Variants in ZNF385D observed in about 807,000 individuals in gnomAD.
The protein encoded by ZNF385D is zinc finger protein 659.
ZNF385D carries 15 observed loss-of-function variants against 35.8 expected under a neutral mutation model. The observed-to-expected ratio is 0.42, with a 90% CI of 0.28 to 0.64. The LOEUF (loss-of-function observed/expected upper bound fraction) is 0.64. Among genes scored for constraint, ZNF385D ranks in the 30% least tolerant of loss-of-function variants. ZNF385D has a pLI of 0.23. For missense variants in ZNF385D, 474 were observed against 494.6 expected (o/e 0.96, Z 0.39); for synonymous variants, 212 against 186.8 (o/e 1.13, Z -1.10).
At chr3:21,457,796 T>C (rs1315493811) in intron 4 of ZNF385D, among the ~76,000 whole-genome samples, 2 of 152,220 alleles carry the variant, frequency 1.3e-5, no homozygotes, top group Admixed American at 6.5e-5. Flanking sequence ...ATGTGATTAA[T>C]AAGTTAATTT....
intron 2 of ZNF385D, among the ~76,000 whole-genome samples, chr3:21,655,353 G>GT (rs1195647260): frequency 1.3e-5 from 2 of 151,942 alleles, no homozygotes; most frequent in African/African-American, 2.4e-5. Context: ...AAAGTTTAGT[G>GT]TTGTTGCTTT....
upstream of ZNF385D, among the ~76,000 whole-genome samples, chr3:21,754,632 A>G (rs913350236): frequency 6.6e-6 from 1 of 151,616 alleles, no homozygotes; most frequent in African/African-American, 2.4e-5. Context: ...TTCCAGTTTT[A>G]AAATGCCTTT....
chr3:21,581,675 G>T (rs1198599685), intron 2 of ZNF385D, among the ~76,000 whole-genome samples: 1 of 152,174 alleles, frequency 6.6e-6, no homozygotes, highest in East Asian at 1.9e-4. Flanking sequence ...GAATTGCATT[G>T]TTATCTGAAG....
chr3:22,236,312 A>C (rs891668658), intron 2 of ZNF385D, among the ~76,000 whole-genome samples: 2 of 152,194 alleles, frequency 1.3e-5, no homozygotes, highest in East Asian at 3.9e-4. Flanking sequence ...TATCACTGGA[A>C]AGTTGACTAG....
chr3:21,942,993 A>G (rs1490816667), intron 3 of ZNF385D, among the ~76,000 whole-genome samples: 1 of 152,202 alleles, frequency 6.6e-6, no homozygotes, highest in Non-Finnish European at 1.5e-5. Flanking sequence ...CTTCATGACA[A>G]TGGTTAAGAA....
At chr3:22,165,824 T>C (rs1243541865) in intron 3 of ZNF385D, among the ~76,000 whole-genome samples, 3 of 152,096 alleles carry the variant, frequency 2.0e-5, no homozygotes, top group Admixed American at 2.0e-4. Flanking sequence ...CAGGCCAGGG[T>C]CCTTAGAAAC....
chr3:21,675,065 C>G (rs773465511), intron 1 of ZNF385D, among the ~76,000 whole-genome samples: 1 of 151,930 alleles, frequency 6.6e-6, no homozygotes, highest in Non-Finnish European at 1.5e-5. Context: ...ATTTACAAAC[C>G]AGCAGCTTCT....
intron 3 of ZNF385D, among the ~76,000 whole-genome samples, chr3:22,168,060 T>C (rs1308131019): frequency 2.0e-5 from 3 of 152,172 alleles, no homozygotes; most frequent in African/African-American, 7.2e-5. Flanking sequence ...TTGACATTCA[T>C]TCACATTTTT....
chr3:21,567,625 T>A (rs75064036), intron 2 of ZNF385D, among the ~76,000 whole-genome samples: 1 of 152,162 alleles, frequency 6.6e-6, no homozygotes, highest in Non-Finnish European at 1.5e-5. Flanking sequence ...TGCCTTATCA[T>A]GTTCTCTTGT....
intron 2 of ZNF385D, among the ~76,000 whole-genome samples, chr3:22,360,543 T>C (rs1042992724): frequency 6.6e-6 from 1 of 152,008 alleles, no homozygotes; most frequent in African/African-American, 2.4e-5. Context: ...TATCATTTCT[T>C]AGACTCGATT....
chr3:22,033,055 T>A (rs779431532), intron 3 of ZNF385D, among the ~76,000 whole-genome samples: 2 of 152,112 alleles, frequency 1.3e-5, no homozygotes, highest in Non-Finnish European at 2.9e-5. Context: ...ATTCCGAGAT[T>A]GAATTTCTGC....
At chr3:21,504,401 T>A (rs188435563) in intron 4 of ZNF385D, among the ~76,000 whole-genome samples, 59 of 152,278 alleles carry the variant, frequency 3.9e-4, no homozygotes, top group African/African-American at 1.4e-3. Context: ...AAACCACCTA[T>A]ACACAAATAC....
chr3:22,150,598 C>A (rs1297596740), intron 3 of ZNF385D, among the ~76,000 whole-genome samples: 2 of 152,096 alleles, frequency 1.3e-5, no homozygotes, highest in African/African-American at 4.8e-5. Context: ...TATTTCTAAT[C>A]TCTTCCTTCA....
chr3:22,237,062 A>G (rs1270894855), intron 2 of ZNF385D, among the ~76,000 whole-genome samples: 3 of 152,182 alleles, frequency 2.0e-5, no homozygotes, highest in Non-Finnish European at 4.4e-5. Context: ...GCTGAGTCAT[A>G]TAGTAACTCT....
intron 4 of ZNF385D, among the ~76,000 whole-genome samples, chr3:21,499,729 G>A (rs1706224737): frequency 6.6e-6 from 1 of 151,936 alleles, no homozygotes; most frequent in East Asian, 1.9e-4. Flanking sequence ...TCTGCATTCT[G>A]ACCTTCATCT....
At chr3:21,523,581 T>C (rs930900854) in intron 3 of ZNF385D, among the ~76,000 whole-genome samples, 2 of 152,160 alleles carry the variant, frequency 1.3e-5, no homozygotes, top group Admixed American at 1.3e-4. Context: ...ATAATGTTGA[T>C]ATGCTAAGCA....
chr3:21,575,986 G>A (rs1011613523), intron 2 of ZNF385D, among the ~76,000 whole-genome samples: 1 of 152,170 alleles, frequency 6.6e-6, no homozygotes, highest in Non-Finnish European at 1.5e-5. Context: ...AAGGTGGAAA[G>A]AGCTTAATAG....
chr3:22,255,661 T>TA (rs1278309274), intron 2 of ZNF385D, among the ~76,000 whole-genome samples: 1 of 149,744 alleles, frequency 6.7e-6, no homozygotes, highest in African/African-American at 2.4e-5. Flanking sequence ...ACATCACATT[T>TA]CAAAAAAAAA....
At chr3:21,879,673 C>A (rs914543957) in intron 3 of ZNF385D, among the ~76,000 whole-genome samples, 21 of 151,984 alleles carry the variant, frequency 1.4e-4, no homozygotes, top group African/African-American at 4.8e-4. Context: ...TCAGGAATCA[C>A]TAAACATAAA....
Sources: allele counts gnomAD v4.1 joint callset (sites outside exome capture counted in the v4.1 genomes callset), GRCh38; gene constraint gnomAD v4.1.1; transcripts MANE v1.5; gene names NCBI Gene and HGNC (gene_info 2026-07-23, HGNC 2026-07-21).